Variants in HEMK2 observed in about 807,000 individuals in gnomAD.
The protein encoded by HEMK2 is methyltransferase HEMK2.
the HEMK2 span, among the ~76,000 whole-genome samples, chr21:28,732,152 G>A: frequency 6.6e-6 from 1 of 152,240 alleles, no homozygotes; most frequent in South Asian, 2.1e-4. Flanking sequence ...TACAGGGCTG[G>A]ACAATGGCTA....
chr21:28,837,660 T>A, the HEMK2 span, among the ~76,000 whole-genome samples: 1 of 149,384 alleles, frequency 6.7e-6, no homozygotes. Context: ...CAAACCAAAC[T>A]CAAACCCAGC....
At chr21:28,864,592 C>A in the HEMK2 span, among the ~76,000 whole-genome samples, 1 of 152,152 alleles carries the variant, frequency 6.6e-6, no homozygotes, top group East Asian at 1.9e-4. Context: ...AACCCGGACC[C>A]ATATGCATAA....
At chr21:28,744,299 G>A in the HEMK2 span, among the ~76,000 whole-genome samples, 1 of 151,948 alleles carries the variant, frequency 6.6e-6, no homozygotes, top group Non-Finnish European at 1.5e-5. Flanking sequence ...AGAAAAAAAT[G>A]AGACAATAAA....
the HEMK2 span, among the ~76,000 whole-genome samples, chr21:28,821,240 T>C: frequency 6.6e-6 from 1 of 152,060 alleles, no homozygotes; most frequent in Non-Finnish European, 1.5e-5. Flanking sequence ...ACCTATTCCA[T>C]TGTCTAGCAC....
the HEMK2 span, among the ~76,000 whole-genome samples, chr21:28,799,575 G>A: frequency 6.6e-6 from 1 of 152,120 alleles, no homozygotes; most frequent in Non-Finnish European, 1.5e-5. Context: ...AGAAAACTTT[G>A]TAGACAAAGA....
chr21:28,831,054 T>A, the HEMK2 span, among the ~76,000 whole-genome samples: 1 of 152,116 alleles, frequency 6.6e-6, no homozygotes, highest in South Asian at 2.1e-4. Flanking sequence ...CCACTGGTAT[T>A]CAGTAAAGGA....
At chr21:28,780,513 G>A in the HEMK2 span, among the ~76,000 whole-genome samples, 1 of 148,298 alleles carries the variant, frequency 6.7e-6, no homozygotes, top group Non-Finnish European at 1.5e-5. Context: ...GGGTTTCACC[G>A]TGTTAGCCAG....
chr21:28,659,503 C>T, the HEMK2 span, among the ~76,000 whole-genome samples: 1 of 151,972 alleles, frequency 6.6e-6, no homozygotes, highest in Non-Finnish European at 1.5e-5. Context: ...AAGCTCATTG[C>T]CACATTTTCT....
At chr21:28,595,916 C>G in the HEMK2 span, among the ~76,000 whole-genome samples, 1 of 151,706 alleles carries the variant, frequency 6.6e-6, no homozygotes, top group Non-Finnish European at 1.5e-5. Flanking sequence ...TCCCAAGTAG[C>G]TGGGACTACA....
At chr21:28,594,742 T>C in the HEMK2 span, among the ~76,000 whole-genome samples, 1,599 of 152,318 alleles carry the variant, frequency 0.01, 42 homozygotes, top group African/African-American at 0.037. Context: ...AGACAGCACT[T>C]AGTTGTTTTT....
the HEMK2 span, among the ~76,000 whole-genome samples, chr21:28,668,840 C>T: frequency 6.6e-6 from 1 of 152,318 alleles, no homozygotes; most frequent in South Asian, 2.1e-4. Flanking sequence ...GGCCTTCCCA[C>T]AGTGATTCTA....
At chr21:28,811,502 C>T in the HEMK2 span, among the ~76,000 whole-genome samples, 1 of 151,916 alleles carries the variant, frequency 6.6e-6, no homozygotes, top group Non-Finnish European at 1.5e-5. Flanking sequence ...GCCAAGAAGG[C>T]TGATATATAT....
the HEMK2 span, among the ~76,000 whole-genome samples, chr21:28,795,604 G>A: frequency 6.6e-6 from 1 of 152,268 alleles, no homozygotes; most frequent in South Asian, 2.1e-4. Context: ...AGAGGGAAAG[G>A]GCTCAGGAAA....
the HEMK2 span, among the ~76,000 whole-genome samples, chr21:28,653,044 G>T: frequency 3.3e-5 from 5 of 151,982 alleles, no homozygotes; most frequent in Admixed American, 3.3e-4. Flanking sequence ...GCATGTAATT[G>T]AAAGTGGGTG....
chr21:28,860,423 T>C, the HEMK2 span, among the ~76,000 whole-genome samples: 1 of 151,108 alleles, frequency 6.6e-6, no homozygotes, highest in East Asian at 1.9e-4. Context: ...ATTGTGTGAG[T>C]TAAACTTAAT....
chr21:28,743,998 T>C, the HEMK2 span, among the ~76,000 whole-genome samples: 1 of 151,918 alleles, frequency 6.6e-6, no homozygotes, highest in African/African-American at 2.4e-5. Flanking sequence ...GAAAACCAAA[T>C]GCCACATGTT....
the HEMK2 span, among the ~76,000 whole-genome samples, chr21:28,725,806 T>C: frequency 1.3e-5 from 2 of 152,242 alleles, no homozygotes; most frequent in East Asian, 1.9e-4. Flanking sequence ...TCAAAAGACA[T>C]TGTACCCCCT....
At chr21:28,750,300 G>C in the HEMK2 span, among the ~76,000 whole-genome samples, 2 of 152,136 alleles carry the variant, frequency 1.3e-5, no homozygotes, top group Admixed American at 1.3e-4. Flanking sequence ...TCTATTCTAA[G>C]ACCACAGTGT....
the HEMK2 span, among the ~76,000 whole-genome samples, chr21:28,811,308 G>A: frequency 2.1e-5 from 3 of 144,832 alleles, no homozygotes; most frequent in East Asian, 6.1e-4. Context: ...GGAAGGGAAG[G>A]GGAGGGGAGG....
Sources: gnomAD v4.1 joint callset for allele counts (sites outside exome capture counted in the v4.1 genomes callset) on GRCh38, gnomAD v4.1.1 for gene constraint, MANE v1.5 for transcripts, NCBI Gene and HGNC (gene_info 2026-07-23, HGNC 2026-07-21) for gene names.